GPC3: variants seen among roughly 807,000 people sequenced by gnomAD.
GPC3 encodes the protein glypican 3.
GPC3 carries 3 observed loss-of-function variants against 34.4 expected under a neutral mutation model. The observed-to-expected ratio is 0.09, with a 90% CI of 0.04 to 0.23. The LOEUF (loss-of-function observed/expected upper bound fraction) is 0.23, where lower values mean the gene tolerates loss of function less well. Ranked by LOEUF, GPC3 falls within the 10% of genes least tolerant of loss-of-function variation. The pLI is 1.00. For synonymous variants in GPC3, 177 were observed against 174.0 expected (o/e 1.02, Z -0.13); for missense variants, 351 against 445.6 (o/e 0.79, Z 1.91).
At position 133,600,922 on chromosome X, in the gene GPC3, G is replaced by A. The variant is rs147519072; in HGVS notation, c.1414-4323C>T. On this transcript the variant is annotated intron_variant, in intron 6 of 7. Coordinates refer to ENST00000370818, the MANE Select transcript of GPC3 (RefSeq NM_004484.4). ...ATTTTCAAAGGACACTGTCCTGTTA[G>A]CTTTTTAAAAGCCAAGGCACACAAT... Among the ~76,000 whole-genome samples, 958 of 112,106 alleles carry A rather than the reference G, an allele frequency of 8.5e-3. 13 individuals are homozygous for A. Among genetic ancestry groups the A allele is most frequent in the African/African-American group, 0.03 (913 of 30,929 alleles).
chrX:133,821,740 T>C (rs375139351), intron 2 of GPC3, among the ~76,000 whole-genome samples: 1 of 112,056 alleles, frequency 8.9e-6, no homozygotes, highest in African/African-American at 3.2e-5. Flanking sequence ...GAAACATTTG[T>C]TGCTTGGTGA....
intron 2 of GPC3, among the ~76,000 whole-genome samples, chrX:133,803,466 A>C (rs1459951425): frequency 3.6e-5 from 4 of 111,961 alleles, no homozygotes; most frequent in African/African-American, 1.3e-4. Flanking sequence ...GGACTCTTTG[A>C]GGCCTGTAAT....
intron 2 of GPC3, among the ~76,000 whole-genome samples, chrX:133,823,668 T>C (rs1345579964): frequency 9.9e-5 from 11 of 111,351 alleles, no homozygotes; most frequent in Non-Finnish European, 5.7e-5. Flanking sequence ...GATTTCTGCA[T>C]TCAGGTTAAA....
At chrX:133,949,984 T>C (rs149344451) in intron 2 of GPC3, among the ~76,000 whole-genome samples, 1,297 of 111,900 alleles carry the variant, frequency 0.012, 11 homozygotes, top group Middle Eastern at 0.046. Context: ...TTAAATGAGA[T>C]AATTATGTAA....
At chrX:133,718,655 T>C (rs984205899) in intron 3 of GPC3, among the ~76,000 whole-genome samples, 3 of 111,213 alleles carry the variant, frequency 2.7e-5, no homozygotes, top group Non-Finnish European at 5.7e-5. Context: ...AAGGCAGGGA[T>C]GGGCAAAATA....
chrX:133,815,986 CCTCT>C (rs1488559103), intron 2 of GPC3, among the ~76,000 whole-genome samples: 6 of 111,263 alleles, frequency 5.4e-5, no homozygotes, highest in East Asian at 2.8e-4. Flanking sequence ...CACTGACCAT[CCTCT>C]CTCTCTCCTT....
chrX:133,956,544 C>T (rs1392582775), intron 1 of GPC3, among the ~76,000 whole-genome samples: 1 of 112,164 alleles, frequency 8.9e-6, no homozygotes, highest in African/African-American at 3.2e-5. Context: ...AGTTCCTGTT[C>T]ATCTAGCAAG....
chrX:133,603,379 T>C (rs1395022213), intron 6 of GPC3, among the ~76,000 whole-genome samples: 1 of 110,270 alleles, frequency 9.1e-6, no homozygotes, highest in African/African-American at 3.3e-5. Flanking sequence ...CATCTTACTG[T>C]GAGTGAACCG....
chrX:133,593,354 T>TAAAAAAAAAA (rs1186766438), intron 7 of GPC3, among the ~76,000 whole-genome samples: 2 of 47,717 alleles, frequency 4.2e-5, no homozygotes, highest in African/African-American at 8.7e-5. Flanking sequence ...AAAAAAAAAG[T>TAAAAAAAAAA]AAAAAAAAAA....
chrX:133,842,226 G>A (rs936020855), intron 2 of GPC3, among the ~76,000 whole-genome samples: 36 of 109,319 alleles, frequency 3.3e-4, no homozygotes, highest in African/African-American at 9.0e-4. Context: ...CTGAGGCAAG[G>A]AGAATCGCTT....
intron 6 of GPC3, among the ~76,000 whole-genome samples, chrX:133,653,784 A>G (rs1007446754): frequency 3.4e-4 from 38 of 112,576 alleles, no homozygotes; most frequent in African/African-American, 1.2e-3. Context: ...GATGAACTTC[A>G]TAACTATGGG....
chrX:133,889,831 CT>C (rs781203121), intron 2 of GPC3, among the ~76,000 whole-genome samples: 3,149 of 75,653 alleles, frequency 0.042, 47 homozygotes, highest in Admixed American at 0.14. Context: ...TTCTAGCCTT[CT>C]TTTTTTTTTT....
chrX:133,765,471 T>G (rs1411219443), intron 2 of GPC3, among the ~76,000 whole-genome samples: 1 of 112,099 alleles, frequency 8.9e-6, no homozygotes, highest in Non-Finnish European at 1.9e-5. Flanking sequence ...GCAAACATTC[T>G]GGTAGTGCCT....
chrX:133,981,433 T>C (rs766132397), intron 1 of GPC3, among the ~76,000 whole-genome samples: 4 of 112,302 alleles, frequency 3.6e-5, no homozygotes, highest in Non-Finnish European at 5.6e-5. Context: ...CTCCATCAGA[T>C]TGATGGCTCC....
intron 7 of GPC3, among the ~76,000 whole-genome samples, chrX:133,584,930 C>CAAAAAAAAAAAAAAAAAAAA (rs68159308): frequency 2.9e-5 from 2 of 68,273 alleles, no homozygotes; most frequent in African/African-American, 5.5e-5. Context: ...TATAAAAAGC[C>CAAAAAAAAAAAAAAAAAAAA]AAAAAAAAAA....
At chrX:133,803,774 G>A (rs140338596) in intron 2 of GPC3, among the ~76,000 whole-genome samples, 1,547 of 111,300 alleles carry the variant, frequency 0.014, 27 homozygotes, top group African/African-American at 0.047. Flanking sequence ...CTATATTACT[G>A]TGCAAAAACA....
Position 133,884,330 on chromosome X carries a change from A to G in GPC3, c.337+68720T>C, listed in dbSNP as rs180977564. 3.7e-3 allele frequency among the ~76,000 whole-genome samples: 409 copies of G among 111,785 alleles called. 1 individual carries two copies. The highest frequency in any genetic ancestry group is 0.013 in the African/African-American group (392 of 30,841). On this transcript the variant is annotated intron_variant, in intron 2 of 7. Transcript: ENST00000370818. The stretch of plus-strand genomic sequence containing the variant: ...TCTACTTCCAGAGTCTCATTCCTCC[A>G]GACTGCAACAAGCCCCTGGGCCTTC...
intron 1 of GPC3, among the ~76,000 whole-genome samples, chrX:133,955,953 A>C (rs1412971179): frequency 8.9e-6 from 1 of 111,918 alleles, no homozygotes; most frequent in African/African-American, 3.2e-5. Context: ...ATTTCAGTTG[A>C]TCATGTCCTT....
chrX:133,700,130 G>A, intron 3 of GPC3, 102 bp from the exon 4 acceptor site: 5 of 611,230 alleles, frequency 8.2e-6, no homozygotes, highest in Middle Eastern at 5.3e-4. Flanking sequence ...ATTTTAAATA[G>A]CAGAACAAAG....
Sources: allele counts gnomAD v4.1 joint callset (sites outside exome capture counted in the v4.1 genomes callset), GRCh38; gene constraint gnomAD v4.1.1; transcripts MANE v1.5; gene names NCBI Gene and HGNC (gene_info 2026-07-23, HGNC 2026-07-21).